MTHFD2: variants seen among roughly 807,000 people sequenced by gnomAD.
The protein encoded by MTHFD2 is bifunctional methylenetetrahydrofolate dehydrogenase/cyclohydrolase, mitochondrial.
In MTHFD2, 26 loss-of-function variants were observed where a neutral mutation model predicts 36.8. The observed-to-expected ratio is 0.71, with a 90% CI of 0.52 to 0.98. The LOEUF (loss-of-function observed/expected upper bound fraction) is 0.98. Ranked by LOEUF, MTHFD2 falls within the 50% of genes least tolerant of loss-of-function variation. MTHFD2 has a pLI of 0.00. For synonymous variants in MTHFD2, 164 were observed against 155.2 expected (o/e 1.06, Z -0.42); for missense variants, 373 against 434.0 (o/e 0.86, Z 1.25).
intron 7 of MTHFD2, 62 bp from the exon 8 acceptor site, chr2:74,214,012 ATATAT>A: frequency 2.0e-6 from 3 of 1,483,742 alleles, no homozygotes; most frequent in Admixed American, 2.2e-5. Flanking sequence ...TTGTTTAATA[ATATAT>A]TAAAGTACAC....
intron 3 of MTHFD2, among the ~76,000 whole-genome samples, chr2:74,208,037 T>C (rs1034153686): frequency 1.3e-5 from 2 of 152,076 alleles, no homozygotes; most frequent in African/African-American, 4.8e-5. Context: ...GCCTCCCAAA[T>C]AGCTAGGACT....
intron 5 of MTHFD2, 113 bp downstream of exon 5, chr2:74,210,162 A>T (rs1694273560): frequency 1.3e-6 from 1 of 790,734 alleles, no homozygotes; most frequent in Non-Finnish European, 1.9e-6. Context: ...GTATTTGTTG[A>T]AATTTTGTTA....
chr2:74,209,055 G>A (rs1372259142), intron 4 of MTHFD2, among the ~76,000 whole-genome samples: 3 of 148,406 alleles, frequency 2.0e-5, no homozygotes. Flanking sequence ...TTTATTTCTA[G>A]TAGAGACAGG....
chr2:74,213,576 C>T (rs1034640338), intron 7 of MTHFD2, among the ~76,000 whole-genome samples: 1 of 152,182 alleles, frequency 6.6e-6, no homozygotes, highest in Non-Finnish European at 1.5e-5. Context: ...TGGCATGAAC[C>T]ACTGTACCCG....
Position 74,209,985 on chromosome 2 carries a change from A to T in MTHFD2, c.606A>T (p.Ser202=). 1 of 1,612,882 alleles carries T rather than the reference A, an allele frequency of 6.2e-7. No individual in the cohort carries two copies. The highest frequency in any genetic ancestry group is 1.1e-5 in the South Asian group (1 of 90,966). The change falls in exon 5 of 8, where the codon TCA becomes TCT. Residue 202 remains serine (S), a synonymous_variant. Coordinates refer to ENST00000394053, the MANE Select transcript of MTHFD2 (RefSeq NM_006636.4). ...LGKNVVVAGR[S]KNVGMPIAML... is the part of the protein sequence containing the mutation. ...AGAATGTGGTTGTGGCTGGAAGGTC[A>T]AAAAACGTTGGAATGCCCATTGCAA...
At chr2:74,202,730 A>G (rs568427196) in intron 1 of MTHFD2, among the ~76,000 whole-genome samples, 1 of 151,364 alleles carries the variant, frequency 6.6e-6, no homozygotes, top group Admixed American at 6.6e-5. Context: ...GTTTCACCAT[A>G]TGAGCCAGGA....
chr2:74,214,227 G>T lies in MTHFD2; in HGVS notation c.1038G>T (p.Gly346=), dbSNP rs1198837018. ...EREVLKSKEL[G]VATN ...AAGTGCTGAAGTCTAAAGAGCTTGG[G>T]GTAGCCACTAATTAACTACTGTGTC... is the stretch of plus-strand genomic sequence containing the variant. Residue 346 remains glycine, a synonymous_variant, in exon 8 of 8, where the codon GGG becomes GGT. Coordinates refer to ENST00000394053, the MANE Select transcript of MTHFD2 (RefSeq NM_006636.4). The T allele has an allele frequency of 1.2e-6, 2 of 1,613,734 alleles. No homozygotes were observed. Among genetic ancestry groups the T allele is most frequent in the Non-Finnish European group, 1.7e-6 (2 of 1,179,844 alleles).
rs1359932825 is a variant in MTHFD2, at chr2:74,214,418, C to T, written c.*176C>T. On this transcript the variant is annotated 3_prime_UTR_variant, in exon 8 of 8. Transcript: ENST00000394053. Reference sequence around the variant, plus strand: ...TGCACATACCTCTGCAGTACCTCACCAGGGAGCATTCCAGTATCATGCAGG... The same window carrying T: ...TGCACATACCTCTGCAGTACCTCACTAGGGAGCATTCCAGTATCATGCAGG... 5.1e-6 allele frequency: 3 copies of T among 589,744 alleles called. No individual in the cohort carries two copies. In the Admixed American group the frequency reaches 9.9e-5, roughly 20 times the overall value. The allele number at this position is 589,744 out of a possible 1,614,324, so 36.5% of individuals were successfully genotyped here.
rs1054407405 is a variant in MTHFD2, at chr2:74,214,014, A to G, written c.890-65A>G. 5 of 1,497,252 alleles carry G rather than the reference A, an allele frequency of 3.3e-6. No individual in the cohort carries two copies. In the East Asian group the frequency reaches 9.1e-5, roughly 27 times the overall value. The allele number at this position is 1,497,252 out of a possible 1,614,324, so 92.7% of individuals were successfully genotyped here. A position where few individuals can be genotyped will look rare whatever the true frequency, so the allele number is the denominator to read the frequency against. The stretch of plus-strand genomic sequence containing the variant: ...TTTCCTTGCATGCTTGTTTAATAAT[A>G]TATTAAAGTACACACATGTCCTTTG... On this transcript the variant is annotated intron_variant, in intron 7 of 7. Transcript: ENST00000394053.
At chr2:74,198,835 C>T (rs1693968097) in intron 1 of MTHFD2, 93 bp downstream of exon 1, 2 of 1,187,968 alleles carry the variant, frequency 1.7e-6, no homozygotes, top group South Asian at 1.5e-5. Flanking sequence ...CGAGGGAAGT[C>T]CTTCCCGAAC....
At chr2:74,201,133 G>A (rs966328878) in intron 1 of MTHFD2, among the ~76,000 whole-genome samples, 28 of 152,042 alleles carry the variant, frequency 1.8e-4, no homozygotes, top group African/African-American at 6.5e-4. Context: ...GACTATAGGC[G>A]CACACCACCA....
At chr2:74,202,688 G>A (rs1006896972) in intron 1 of MTHFD2, among the ~76,000 whole-genome samples, 41 of 151,758 alleles carry the variant, frequency 2.7e-4, no homozygotes, top group Non-Finnish European at 4.6e-4. Flanking sequence ...CACCATGCCC[G>A]GCTAATTTTT....
At chr2:74,203,140 C>T (rs1057201013) in intron 1 of MTHFD2, among the ~76,000 whole-genome samples, 3 of 151,770 alleles carry the variant, frequency 2.0e-5, no homozygotes, top group African/African-American at 7.3e-5. Flanking sequence ...GCTGAGATTA[C>T]AATTACAGGG....
intron 3 of MTHFD2, 31 bp from the exon 4 acceptor site, chr2:74,208,538 T>C (rs1349508071): frequency 1.9e-6 from 3 of 1,609,584 alleles, no homozygotes; most frequent in Non-Finnish European, 2.5e-6. Flanking sequence ...GCGGTGGTGA[T>C]TTAAGGCAAC....
At chr2:74,209,318 C>G (rs953970092) in intron 4 of MTHFD2, among the ~76,000 whole-genome samples, 1 of 151,866 alleles carries the variant, frequency 6.6e-6, no homozygotes, top group Non-Finnish European at 1.5e-5. Context: ...TCTCGACTCA[C>G]TGCAAGCTCC....
rs1476191710 is a variant in MTHFD2, at chr2:74,215,202, T to A, written c.*960T>A. 1 of 152,590 alleles carries A rather than the reference T, an allele frequency of 6.6e-6. No homozygotes were observed. The highest frequency in any genetic ancestry group is 2.4e-5 in the African/African-American group (1 of 41,438). 9.5% of individuals were successfully genotyped at this position (152,590 alleles called of 1,614,324 possible). A position where few individuals can be genotyped will look rare whatever the true frequency, so the allele number is the denominator to read the frequency against. On this transcript the variant is annotated 3_prime_UTR_variant, in exon 8 of 8. Coordinates refer to ENST00000394053, the MANE Select transcript of MTHFD2 (RefSeq NM_006636.4). ...ACTTTTCCAGAAATTTTTTAAGAGT[T>A]TGAGTTACTATTGAATTTAATCAGA... is the stretch of plus-strand genomic sequence containing the variant.
At chr2:74,203,901 GTTTAGTTAGTTTAGTTTAGTTTAGT>G (rs1694110183) in intron 1 of MTHFD2, among the ~76,000 whole-genome samples, 1 of 29,478 alleles carries the variant, frequency 3.4e-5, no homozygotes. Flanking sequence ...GTTTAGTTTA[GTTTAGTTAGTTTAGTTTAGTTTAGT>G]TTTTTGAGAT....
chr2:74,202,179 T>C (rs1694056348), intron 1 of MTHFD2, among the ~76,000 whole-genome samples: 1 of 152,106 alleles, frequency 6.6e-6, no homozygotes, highest in Non-Finnish European at 1.5e-5. Context: ...GATATACATA[T>C]AGTGTATATA....
In MTHFD2 at chr2:74,217,132, T is replaced by G. The variant is rs1361249047; in HGVS notation, c.*2890T>G. ...ACCTGTCCTATACTCAAGGTGTTAA[T>G]GATCTAGTGTCATTTTTCTTTAAAA... On this transcript the variant is annotated 3_prime_UTR_variant, in exon 8 of 8. Transcript: ENST00000394053. 1 of 152,222 alleles carries G rather than the reference T, an allele frequency of 6.6e-6. No individual in the cohort carries two copies. Among genetic ancestry groups the G allele is most frequent in the Non-Finnish European group, 1.5e-5 (1 of 68,036 alleles). The allele number at this position is 152,222 out of a possible 1,614,324, so 9.4% of individuals were successfully genotyped here. A position where few individuals can be genotyped will look rare whatever the true frequency, so the allele number is the denominator to read the frequency against.
Sources: allele counts gnomAD v4.1 joint callset (sites outside exome capture counted in the v4.1 genomes callset), GRCh38; gene constraint gnomAD v4.1.1; transcripts MANE v1.5; gene names NCBI Gene and HGNC (gene_info 2026-07-23, HGNC 2026-07-21).